Variants in ADGRV1 observed in about 807,000 individuals in gnomAD.
ADGRV1 encodes the protein adhesion G protein-coupled receptor V1.
In ADGRV1, 359 loss-of-function variants were observed where a neutral mutation model predicts 596.2. The ratio of observed to expected loss-of-function variants is 0.60; its 90% CI spans 0.55 to 0.66. The LOEUF (loss-of-function observed/expected upper bound fraction) is 0.66, where lower values mean the gene tolerates loss of function less well. Among genes scored for constraint, ADGRV1 ranks in the 30% least tolerant of loss-of-function variants. The pLI is 0.00. For synonymous variants in ADGRV1, 2,681 were observed against 2,679.2 expected (o/e 1.00, Z -0.02); for missense variants, 7,274 against 7,575.6 (o/e 0.96, Z 1.48).
rs369026723 is a variant in ADGRV1 at position 90,683,715 on chromosome 5, A to G, written c.5794A>G (p.Thr1932Ala). ...GATTGGGCAGACGAGCGCCAATATCACTGTGGAGATATTGCCTGACGAAGA... is the reference window on the plus strand; with the variant it reads ...GATTGGGCAGACGAGCGCCAATATCGCTGTGGAGATATTGCCTGACGAAGA... ...FEIGQTSANI[T>A]VEILPDEDPE... Residue 1932 changes from threonine to alanine, a missense_variant, in exon 28 of 90, where the codon ACT becomes GCT. Thr to Ala is a moderately conservative substitution (Grantham distance 58, BLOSUM62 0). Coordinates refer to ENST00000405460, the MANE Select transcript of ADGRV1 (RefSeq NM_032119.4). The G allele has an allele frequency of 4.3e-6, 7 of 1,613,756 alleles. No individual in the cohort carries two copies. The highest frequency in any genetic ancestry group is 4.0e-5 in the African/African-American group (3 of 74,900).
At chr5:90,909,618 C>T (rs74625437) in intron 83 of ADGRV1, among the ~76,000 whole-genome samples, 1 of 99,488 alleles carries the variant, frequency 1.0e-5, no homozygotes, top group Non-Finnish European at 2.7e-5. Context: ...TGAGAATACG[C>T]AAAAAGAAAA....
At chr5:90,951,231 G>A (rs1042616643) in intron 83 of ADGRV1, among the ~76,000 whole-genome samples, 6 of 152,216 alleles carry the variant, frequency 3.9e-5, no homozygotes, top group Non-Finnish European at 5.9e-5. Context: ...TAATTGGATT[G>A]TAGAGAGGCA....
intron 45 of ADGRV1, among the ~76,000 whole-genome samples, chr5:90,723,775 G>A (rs1427217335): frequency 6.6e-6 from 1 of 152,298 alleles, no homozygotes; most frequent in African/African-American, 2.4e-5. Context: ...TTTCAACCTT[G>A]ATAGTTGTTC....
At chr5:91,095,487 A>C (rs6865161) in intron 86 of ADGRV1, among the ~76,000 whole-genome samples, 1 of 152,152 alleles carries the variant, frequency 6.6e-6, no homozygotes, top group African/African-American at 2.4e-5. Context: ...GTTCTGTGAA[A>C]TATGTGCCTT....
At chr5:90,910,465 G>A (rs36088173) in intron 83 of ADGRV1, among the ~76,000 whole-genome samples, 22,820 of 151,754 alleles carry the variant, frequency 0.15, 2,418 homozygotes, top group East Asian at 0.48. Flanking sequence ...TAAAAATCGT[G>A]TTTATTTCAT....
intron 57 of ADGRV1, among the ~76,000 whole-genome samples, chr5:90,758,536 G>A (rs1334202764): frequency 6.6e-6 from 1 of 152,064 alleles, no homozygotes; most frequent in Admixed American, 6.5e-5. Flanking sequence ...CATCCTCTAG[G>A]GAAGGGACTC....
At chr5:90,668,573 GC>G (rs1471506780) in intron 21 of ADGRV1, among the ~76,000 whole-genome samples, 1 of 152,054 alleles carries the variant, frequency 6.6e-6, no homozygotes, top group African/African-American at 2.4e-5. Context: ...CCCGTCTTCT[GC>G]GTTGCTCATG....
intron 82 of ADGRV1, 97 bp downstream of exon 82, chr5:90,855,998 A>G: frequency 8.2e-6 from 8 of 973,590 alleles, no homozygotes; most frequent in Non-Finnish European, 1.3e-5. Context: ...ATGCAAACAT[A>G]CCGTAATTCA....
At position 90,642,775 on chromosome 5, in the gene ADGRV1, A is replaced by C; in HGVS notation, c.2367+13A>C. ...CTATGTTATAAAAGTAAGTACGAAAAAAACTTCCATTTATTCTGTGCTCAC... is the reference window on the plus strand; with the variant it reads ...CTATGTTATAAAAGTAAGTACGAAACAAACTTCCATTTATTCTGTGCTCAC... On this transcript the variant is annotated intron_variant, in intron 12 of 89. Coordinates refer to ENST00000405460, the MANE Select transcript of ADGRV1 (RefSeq NM_032119.4). 6.2e-7 allele frequency: 1 copy of C among 1,608,568 alleles called. No individual in the cohort carries two copies. Among genetic ancestry groups the C allele is most frequent in the Non-Finnish European group, 8.5e-7 (1 of 1,178,270 alleles).
chr5:90,610,833 A>G lies in ADGRV1; in HGVS notation c.23-4002A>G, dbSNP rs542445103. Among the ~76,000 whole-genome samples the G allele has an allele frequency of 3.6e-4, 55 of 152,044 alleles. 1 individual carries two copies. Among genetic ancestry groups the G allele is most frequent in the Non-Finnish European group, 6.5e-4 (44 of 67,924 alleles). On this transcript the variant is annotated intron_variant, in intron 1 of 89. Coordinates refer to ENST00000405460, the MANE Select transcript of ADGRV1 (RefSeq NM_032119.4). ...AAACTCTAGGATAAAGCTGGATTCA[A>G]GAGCTTAAGCTTGATTATCAAAATG... is the stretch of plus-strand genomic sequence containing the variant.
chr5:91,088,582 T>G (rs1790093943), intron 86 of ADGRV1, among the ~76,000 whole-genome samples: 1 of 152,156 alleles, frequency 6.6e-6, no homozygotes, highest in African/African-American at 2.4e-5. Context: ...AGTCTTAAAC[T>G]ATTAATGTCA....
chr5:90,952,901 T>C (rs1309186671), intron 83 of ADGRV1, among the ~76,000 whole-genome samples: 1 of 152,194 alleles, frequency 6.6e-6, no homozygotes, highest in African/African-American at 2.4e-5. Context: ...TTTCTGTTGA[T>C]AATTGTTTTG....
At chr5:91,019,313 A>C (rs1422758107) in intron 85 of ADGRV1, among the ~76,000 whole-genome samples, 1 of 152,014 alleles carries the variant, frequency 6.6e-6, no homozygotes, top group East Asian at 1.9e-4. Flanking sequence ...GGTACACCAT[A>C]ATTAGTAAGT....
At chr5:90,892,078 G>C (rs1770877131) in intron 83 of ADGRV1, among the ~76,000 whole-genome samples, 3 of 151,798 alleles carry the variant, frequency 2.0e-5, no homozygotes, top group African/African-American at 7.3e-5. Flanking sequence ...AGTTTCAAGG[G>C]GAAGTGTCAT....
intron 74 of ADGRV1, among the ~76,000 whole-genome samples, chr5:90,812,913 C>T (rs1406572284): frequency 1.3e-5 from 2 of 151,698 alleles, no homozygotes; most frequent in Admixed American, 6.6e-5. Context: ...GGGCGGATCA[C>T]GAGGTCAGGA....
chr5:90,775,838 A>G (rs983350113), intron 60 of ADGRV1, among the ~76,000 whole-genome samples: 1 of 152,086 alleles, frequency 6.6e-6, no homozygotes, highest in Non-Finnish European at 1.5e-5. Flanking sequence ...GATTCCATTA[A>G]TCCATTGCCA....
chr5:90,980,631 G>T (rs1240878982), intron 84 of ADGRV1, among the ~76,000 whole-genome samples: 1 of 152,158 alleles, frequency 6.6e-6, no homozygotes, highest in Non-Finnish European at 1.5e-5. Context: ...ACAGTCTTTA[G>T]CAGAAAACGT....
intron 48 of ADGRV1, among the ~76,000 whole-genome samples, chr5:90,727,822 C>T (rs1752002128): frequency 6.6e-6 from 1 of 152,174 alleles, no homozygotes; most frequent in Non-Finnish European, 1.5e-5. Flanking sequence ...CTATCAGATT[C>T]CTTCCAGTCT....
chr5:91,005,378 A>ATT (rs538505790), intron 85 of ADGRV1, among the ~76,000 whole-genome samples: 1 of 139,640 alleles, frequency 7.2e-6, no homozygotes, highest in African/African-American at 2.8e-5. Flanking sequence ...ATATATATAT[A>ATT]TTTTTTTGAA....
Sources: allele counts gnomAD v4.1 joint callset (sites outside exome capture counted in the v4.1 genomes callset), GRCh38; gene constraint gnomAD v4.1.1; transcripts MANE v1.5; gene names NCBI Gene and HGNC (gene_info 2026-07-23, HGNC 2026-07-21).